Variants in CLNK observed in about 807,000 individuals in gnomAD.
The protein encoded by CLNK is cytokine dependent hematopoietic cell linker, also known as cytokine-dependent hematopoietic cell linker.
Under a neutral mutation model 68.6 loss-of-function variants are expected in CLNK, and 74 were observed. The ratio of observed to expected loss-of-function variants is 1.08; its 90% CI spans 0.89 to 1.31. The LOEUF (loss-of-function observed/expected upper bound fraction) is 1.31, where lower values mean the gene tolerates loss of function less well. CLNK is among the 50% of genes most tolerant of loss of function. The probability of loss-of-function intolerance (pLI) is 0.00; values close to 1 mark genes in which losing one functional copy is unlikely to be tolerated. For missense variants in CLNK, 553 were observed against 515.3 expected (o/e 1.07, Z -0.71); for synonymous variants, 198 against 172.2 (o/e 1.15, Z -1.17).
chr4:10,649,051 G>C (rs911915240), intron 2 of CLNK, among the ~76,000 whole-genome samples: 4 of 152,160 alleles, frequency 2.6e-5, no homozygotes, highest in African/African-American at 9.7e-5. Flanking sequence ...CATGCTCGTT[G>C]AAGGTGCCTT....
At chr4:10,726,693 T>C in the CLNK span, among the ~76,000 whole-genome samples, 2 of 152,214 alleles carry the variant, frequency 1.3e-5, no homozygotes, top group African/African-American at 2.4e-5. Context: ...AACCTTTCAA[T>C]TATATAATTG....
intron 1 of CLNK, among the ~76,000 whole-genome samples, chr4:10,683,499 A>G (rs1014683983): frequency 2.6e-5 from 4 of 152,248 alleles, no homozygotes; most frequent in African/African-American, 9.6e-5. Flanking sequence ...TCAGTCAGCC[A>G]GGAAAATCAG....
the CLNK span, among the ~76,000 whole-genome samples, chr4:10,732,318 T>C: frequency 6.6e-6 from 1 of 152,152 alleles, no homozygotes; most frequent in Non-Finnish European, 1.5e-5. Context: ...TTAACAGGAT[T>C]TGAGGAGCAC....
rs531978571 is a variant in CLNK, at chr4:10,513,447, G to C, written c.906+17C>G. 6.2e-7 allele frequency: 1 copy of C among 1,606,408 alleles called. No individual in the cohort carries two copies. Among genetic ancestry groups the C allele is most frequent in the Non-Finnish European group, 8.5e-7 (1 of 1,176,188 alleles). ...CAAGTACATCTAGAAGGACTTGGCA[G>C]AGAAGTGTCTGCTTACCTTTCTATC... On this transcript the variant is annotated intron_variant, in intron 16 of 18. Coordinates refer to ENST00000226951, the MANE Select transcript of CLNK (RefSeq NM_052964.4).
chr4:10,533,922 T>C (rs1346703989), intron 11 of CLNK, among the ~76,000 whole-genome samples: 1 of 152,254 alleles, frequency 6.6e-6, no homozygotes, highest in African/African-American at 2.4e-5. Context: ...GTTAAAGTTT[T>C]GCTGGCTAGC....
At position 10,576,597 on chromosome 4, in the gene CLNK, C is replaced by T. The variant is rs533005697; in HGVS notation, c.113-4819G>A. The stretch of plus-strand genomic sequence containing the variant: ...TGGCTGTCCCTTGAACAGCTCTTCT[C>T]GTGTCTGCAGAGGTCCAGCCAAGGA... On this transcript the variant is annotated intron_variant, in intron 4 of 18. Transcript: ENST00000226951. Among the ~76,000 whole-genome samples the T allele has an allele frequency of 9.2e-5, 14 of 152,304 alleles. 1 individual carries two copies. The East Asian group carries it at 2.3e-3, about 25-fold the overall frequency.
At chr4:10,718,667 T>G in the CLNK span, among the ~76,000 whole-genome samples, 1 of 150,970 alleles carries the variant, frequency 6.6e-6, no homozygotes, top group South Asian at 2.1e-4. Flanking sequence ...CTAAAGGAAG[T>G]TCTCTAAACA....
intron 2 of CLNK, among the ~76,000 whole-genome samples, chr4:10,631,356 A>G (rs1722882818): frequency 1.3e-5 from 2 of 152,228 alleles, no homozygotes; most frequent in South Asian, 4.1e-4. Flanking sequence ...GCACTCGGTA[A>G]GTAGAAGGCT....
chr4:10,498,556 A>C (rs896991188), intron 18 of CLNK, among the ~76,000 whole-genome samples: 1 of 152,224 alleles, frequency 6.6e-6, no homozygotes, highest in Non-Finnish European at 1.5e-5. Context: ...AAATTCTATA[A>C]GCTGAGAGAA....
intron 2 of CLNK, among the ~76,000 whole-genome samples, chr4:10,661,749 A>T (rs1244956272): frequency 6.6e-6 from 1 of 152,194 alleles, no homozygotes; most frequent in East Asian, 1.9e-4. Flanking sequence ...AATGATTAAC[A>T]TTGACTTGAA....
At chr4:10,540,817 A>G (rs1179780845) in intron 10 of CLNK, among the ~76,000 whole-genome samples, 4 of 152,162 alleles carry the variant, frequency 2.6e-5, no homozygotes, top group African/African-American at 7.2e-5. Context: ...GTGCTCCTCC[A>G]TAGTGCACCT....
Position 10,571,746 on chromosome 4 carries a change from C to A in CLNK, c.145G>T (p.Asp49Tyr). Residue 49 changes from aspartate (D) to tyrosine (Y), a missense_variant, in exon 5 of 19, where the codon GAC (aspartate) becomes TAC (tyrosine). Physicochemically the swap from Asp to Tyr is radical, Grantham distance 160. Coordinates refer to ENST00000226951, the MANE Select transcript of CLNK (RefSeq NM_052964.4). ...AAGGGAAGCAGCTGACTTACCCAGT[C>A]TAGAAGAGGCTTGTTCATCCTCTGG... ...QYQRMNKPLLDWERNFAAVLD... is the reference protein window; with the variant it reads ...QYQRMNKPLLYWERNFAAVLD... 6.2e-7 allele frequency: 1 copy of A among 1,612,600 alleles called. No homozygotes were observed. Among genetic ancestry groups the A allele is most frequent in the South Asian group, 1.1e-5 (1 of 90,988 alleles).
chr4:10,705,009 T>TGGGAGCAA, the CLNK span, among the ~76,000 whole-genome samples: 1 of 152,090 alleles, frequency 6.6e-6, no homozygotes, highest in South Asian at 2.1e-4. Flanking sequence ...GCGTGGGGCA[T>TGGGAGCAA]GGGTGCAAGG....
At chr4:10,643,860 T>C (rs1023654062) in intron 2 of CLNK, among the ~76,000 whole-genome samples, 6 of 152,250 alleles carry the variant, frequency 3.9e-5, no homozygotes, top group Non-Finnish European at 8.8e-5. Flanking sequence ...CTTAGATGGT[T>C]TATAACTGTA....
At chr4:10,622,892 C>T (rs1463667136) in intron 2 of CLNK, among the ~76,000 whole-genome samples, 2 of 152,094 alleles carry the variant, frequency 1.3e-5, no homozygotes, top group Non-Finnish European at 2.9e-5. Context: ...CACTTCCTTA[C>T]TTGGTAGAGA....
chr4:10,585,077 G>A, intron 3 of CLNK, 122 bp from the exon 4 acceptor site: 1 of 865,782 alleles, frequency 1.2e-6, no homozygotes, highest in Non-Finnish European at 1.9e-6. Flanking sequence ...GCTGCTTTAT[G>A]TATGTACTAT....
chr4:10,573,701 C>T (rs777134456), intron 4 of CLNK, among the ~76,000 whole-genome samples: 2 of 152,124 alleles, frequency 1.3e-5, no homozygotes, highest in Non-Finnish European at 2.9e-5. Flanking sequence ...AGAAAATTGG[C>T]CTCAAGGAGT....
Position 10,504,375 on chromosome 4 carries a change from C to G in CLNK, c.985-2964G>C, listed in dbSNP as rs556823616. 2.0e-5 allele frequency among the ~76,000 whole-genome samples: 3 copies of G among 152,262 alleles called. No individual in the cohort carries two copies. In the South Asian group the frequency reaches 6.2e-4, roughly 32 times the overall value. On this transcript the variant is annotated intron_variant, in intron 17 of 18. Transcript: ENST00000226951. ...GACCTCGAGATTCGCCCGCCTCGGG[C>G]TCCCAAAGTGCTGGGATTACAGGCG... is the stretch of plus-strand genomic sequence containing the variant.
intron 1 of CLNK, among the ~76,000 whole-genome samples, chr4:10,674,906 T>A (rs1481258250): frequency 1.3e-5 from 2 of 151,998 alleles, no homozygotes; most frequent in African/African-American, 4.8e-5. Flanking sequence ...GCCTCCAGCT[T>A]CATCCGTGTT....
Sources: gnomAD v4.1 joint callset for allele counts (sites outside exome capture counted in the v4.1 genomes callset) on GRCh38, gnomAD v4.1.1 for gene constraint, MANE v1.5 for transcripts, NCBI Gene and HGNC (gene_info 2026-07-23, HGNC 2026-07-21) for gene names.